Variants in AKIRIN2 observed in about 807,000 individuals in gnomAD.
AKIRIN2 encodes the protein akirin-2.
AKIRIN2 carries 6 observed loss-of-function variants against 29.3 expected under a neutral mutation model. The observed-to-expected ratio is 0.20, with a 90% CI of 0.11 to 0.40. The LOEUF is 0.40. Among genes scored for constraint, AKIRIN2 ranks in the 10% least tolerant of loss-of-function variants. The pLI, the probability that AKIRIN2 is intolerant of heterozygous loss-of-function variation, is 1.00. For missense variants in AKIRIN2, 210 were observed against 276.1 expected (o/e 0.76, Z 1.70); for synonymous variants, 128 against 117.5 (o/e 1.09, Z -0.58).
chr6:87,678,427 G>A (rs752550862), intron 2 of AKIRIN2, among the ~76,000 whole-genome samples: 3 of 151,682 alleles, frequency 2.0e-5, no homozygotes, highest in East Asian at 1.9e-4. Flanking sequence ...ACTTGAACCC[G>A]GGAGGCGGAG....
intron 1 of AKIRIN2, among the ~76,000 whole-genome samples, chr6:87,696,842 C>T (rs181699098): frequency 9.6e-4 from 145 of 151,830 alleles, no homozygotes; most frequent in Non-Finnish European, 1.6e-3. Context: ...CCCATCTCTT[C>T]TAAAAATACA....
chr6:87,687,296 A>G (rs1464383284), intron 1 of AKIRIN2, among the ~76,000 whole-genome samples: 1 of 150,694 alleles, frequency 6.6e-6, no homozygotes, highest in Non-Finnish European at 1.5e-5. Context: ...TAATCCCAGC[A>G]CTTTGGGTGG....
Position 87,701,622 on chromosome 6 carries a change from G to A in AKIRIN2, c.63C>T (p.Ser21=), listed in dbSNP as rs1401658070. ...ATGGCGCACATCGCCTGCGCTTCGG[G>A]GACGCCGGGCTCAACAGCGGGTCGA... ...LDFDPLLSPA[S]PKRRRCAPLS... The change falls in exon 1 of 5, where the codon TCC becomes TCT. Residue 21 remains serine (S), a synonymous_variant. Transcript: ENST00000257787. The A allele has an allele frequency of 9.6e-6, 14 of 1,458,262 alleles. No homozygotes were observed. Among genetic ancestry groups the A allele is most frequent in the South Asian group, 4.3e-5 (3 of 68,968 alleles). 90.3% of individuals were successfully genotyped at this position (1,458,262 alleles called of 1,614,324 possible).
At chr6:87,691,560 G>A (rs1582123519) in intron 1 of AKIRIN2, among the ~76,000 whole-genome samples, 1 of 152,010 alleles carries the variant, frequency 6.6e-6, no homozygotes. Flanking sequence ...ACTGAAGTCA[G>A]GAGCAGGCAT....
At position 87,699,391 on chromosome 6, in the gene AKIRIN2, CA is replaced by C. The variant is rs1771422230; in HGVS notation, c.235+2058del. 2.0e-5 allele frequency among the ~76,000 whole-genome samples: 3 copies of C among 152,102 alleles called. No homozygotes were observed. In the East Asian group the frequency reaches 5.8e-4, roughly 29 times the overall value. ...TTTAAAAAATGTAATTTTAGCAAGT[CA>C]AAATTTCAATTTCAACTTGTTTTCT... On this transcript the variant is annotated intron_variant, in intron 1 of 4. Transcript: ENST00000257787.
At chr6:87,701,316 G>A (rs1474191259) in intron 1 of AKIRIN2, 134 bp downstream of exon 1, 4 of 830,778 alleles carry the variant, frequency 4.8e-6, no homozygotes, top group Admixed American at 3.7e-5. Context: ...TGAAAAACGT[G>A]GCTGCCCTAC....
chr6:87,686,789 TA>T (rs1771194881), intron 1 of AKIRIN2, among the ~76,000 whole-genome samples: 1 of 152,128 alleles, frequency 6.6e-6, no homozygotes, highest in African/African-American at 2.4e-5. Context: ...TTCATGCCTG[TA>T]ATCCCAGCAC....
Position 87,674,902 on chromosome 6 carries a change from C to T in AKIRIN2, c.*695G>A, listed in dbSNP as rs1469461148. The stretch of plus-strand genomic sequence containing the variant: ...AACTTTATTCAAATACTAACCCCAT[C>T]TGTACATTAAGAAACAAGCAAAATA... On this transcript the variant is annotated 3_prime_UTR_variant, in exon 5 of 5. Transcript: ENST00000257787. Among the ~76,000 whole-genome samples the T allele has an allele frequency of 1.3e-5, 2 of 151,706 alleles. No individual in the cohort carries two copies. Among genetic ancestry groups the T allele is most frequent in the African/African-American group, 4.8e-5 (2 of 41,288 alleles).
At chr6:87,701,232 C>T (rs528154386) in intron 1 of AKIRIN2, among the ~76,000 whole-genome samples, 1 of 152,288 alleles carries the variant, frequency 6.6e-6, no homozygotes, top group East Asian at 1.9e-4. Flanking sequence ...CCCTACCCAC[C>T]TCCAAACACT....
intron 1 of AKIRIN2, among the ~76,000 whole-genome samples, chr6:87,689,026 CCTG>C (rs2128302023): frequency 6.6e-6 from 1 of 152,290 alleles, no homozygotes; most frequent in East Asian, 1.9e-4. Context: ...TGTTCCTCCT[CCTG>C]CAGGGAAGAT....
intron 1 of AKIRIN2, among the ~76,000 whole-genome samples, chr6:87,691,904 G>T (rs1428395546): frequency 6.6e-6 from 1 of 152,198 alleles, no homozygotes; most frequent in African/African-American, 2.4e-5. Flanking sequence ...TGAAGTGGAG[G>T]AAATCTGGAA....
At chr6:87,682,969 C>T (rs1438221427) in intron 1 of AKIRIN2, among the ~76,000 whole-genome samples, 1 of 152,044 alleles carries the variant, frequency 6.6e-6, no homozygotes, top group Non-Finnish European at 1.5e-5. Flanking sequence ...TACAATAATT[C>T]TTTTTAAAAT....
At chr6:87,679,819 G>A (rs185391482) in intron 2 of AKIRIN2, among the ~76,000 whole-genome samples, 1 of 152,320 alleles carries the variant, frequency 6.6e-6, no homozygotes, top group African/African-American at 2.4e-5. Flanking sequence ...AACATCTACT[G>A]TAATACTGCT....
intron 1 of AKIRIN2, 45 bp downstream of exon 1, chr6:87,701,405 C>T (rs774181364): frequency 6.5e-7 from 1 of 1,527,710 alleles, no homozygotes; most frequent in Non-Finnish European, 8.8e-7. Context: ...GACCCCTGTT[C>T]CCAGTTCTCT....
At chr6:87,681,813 A>C in intron 1 of AKIRIN2, 50 bp from the exon 2 acceptor site, 1 of 1,447,354 alleles carries the variant, frequency 6.9e-7, no homozygotes, top group Non-Finnish European at 9.3e-7. Context: ...TCACATTAAA[A>C]AAGAGGTTGG....
chr6:87,688,079 C>T (rs572721717), intron 1 of AKIRIN2, among the ~76,000 whole-genome samples: 10 of 152,072 alleles, frequency 6.6e-5, no homozygotes, highest in Non-Finnish European at 1.3e-4. Flanking sequence ...CTACAGTGAG[C>T]TACAATAGCG....
At position 87,701,600 on chromosome 6, in the gene AKIRIN2, G is replaced by C; in HGVS notation, c.85C>G (p.Pro29Ala). ...GCGGCCGAGGTGGGCGCCGACAATG[G>C]CGCACATCGCCTGCGCTTCGGGGAC... ...PASPKRRRCA[P>A]LSAPTSAAAS... The change falls in exon 1 of 5, where the codon CCA (proline) becomes GCA (alanine). Residue 29 changes from proline to alanine, a missense_variant. Pro to Ala is a conservative substitution (Grantham distance 27, BLOSUM62 -1). This residue lies in a region of AKIRIN2 where 199 missense variants were observed against 236.5 expected (regional missense o/e 0.84). Transcript: ENST00000257787. The C allele has an allele frequency of 6.9e-7, 1 of 1,438,898 alleles. No individual in the cohort carries two copies. Among genetic ancestry groups the C allele is most frequent in the African/African-American group, 1.5e-5 (1 of 66,618 alleles). 89.1% of individuals were successfully genotyped at this position (1,438,898 alleles called of 1,614,324 possible). A position where few individuals can be genotyped will look rare whatever the true frequency, so the allele number is the denominator to read the frequency against.
intron 2 of AKIRIN2, among the ~76,000 whole-genome samples, 186 bp from the exon 3 acceptor site, chr6:87,678,153 C>G (rs1392386497): frequency 6.6e-6 from 1 of 152,078 alleles, no homozygotes; most frequent in African/African-American, 2.4e-5. Flanking sequence ...GCTGGTGACG[C>G]TGGAAAAACA....
intron 1 of AKIRIN2, among the ~76,000 whole-genome samples, chr6:87,698,487 C>A (rs1338230047): frequency 1.3e-5 from 2 of 151,696 alleles, no homozygotes; most frequent in East Asian, 3.9e-4. Context: ...TCTTTTGATT[C>A]TTTTCCAACC....
Sources: allele counts gnomAD v4.1 joint callset (sites outside exome capture counted in the v4.1 genomes callset), GRCh38; gene constraint gnomAD v4.1.1; regional missense constraint gnomAD v4.1.1; transcripts MANE v1.5; gene names NCBI Gene and HGNC (gene_info 2026-07-23, HGNC 2026-07-21).